Variants in MIER3 observed in about 807,000 individuals in gnomAD.
MIER3 encodes MIER family member 3, also known as mesoderm induction early response protein 3.
A neutral mutation model predicts 63.2 loss-of-function variants in MIER3; 9 were observed. That is an observed-to-expected ratio of 0.14 (90% confidence interval 0.09 to 0.25). The LOEUF (loss-of-function observed/expected upper bound fraction) is 0.25, where lower values mean the gene tolerates loss of function less well. Among genes scored for constraint, MIER3 ranks in the 10% least tolerant of loss-of-function variants. The probability of loss-of-function intolerance (pLI) is 1.00; values close to 1 mark genes in which losing one functional copy is unlikely to be tolerated. For synonymous variants in MIER3, 205 were observed against 224.9 expected (o/e 0.91, Z 0.79); for missense variants, 512 against 666.2 (o/e 0.77, Z 2.55).
chr5:56,941,128 A>G (rs1000307436), intron 3 of MIER3: 2 of 985,354 alleles, frequency 2.0e-6, no homozygotes, highest in African/African-American at 1.7e-5. Flanking sequence ...CAAGGAATTC[A>G]GTCTTAGTGG....
chr5:56,949,927 G>T (rs1750959700), intron 2 of MIER3, among the ~76,000 whole-genome samples: 1 of 152,170 alleles, frequency 6.6e-6, no homozygotes, highest in Admixed American at 6.5e-5. Flanking sequence ...TTATGGACCT[G>T]CTACAGGGAT....
intron 3 of MIER3, among the ~76,000 whole-genome samples, chr5:56,940,765 T>C (rs574396933): frequency 6.6e-6 from 1 of 152,332 alleles, no homozygotes; most frequent in South Asian, 2.1e-4. Flanking sequence ...CAATGAATTA[T>C]TTTTCTTCCA....
intron 2 of MIER3, among the ~76,000 whole-genome samples, chr5:56,950,355 G>GA (rs1750976116): frequency 6.6e-6 from 1 of 151,894 alleles, no homozygotes; most frequent in Non-Finnish European, 1.5e-5. Context: ...AGGCTCGGAG[G>GA]AAAAATAAGA....
At chr5:56,935,544 A>G (rs747436331) in intron 6 of MIER3, 44 bp from the exon 7 acceptor site, 6 of 1,518,524 alleles carry the variant, frequency 4.0e-6, no homozygotes, top group Middle Eastern at 1.8e-4. Flanking sequence ...TAAAAAAAAA[A>G]TACTGAAAAA....
At chr5:56,943,566 T>C (rs1173819379) in intron 3 of MIER3, among the ~76,000 whole-genome samples, 2 of 152,186 alleles carry the variant, frequency 1.3e-5, no homozygotes, top group East Asian at 3.9e-4. Flanking sequence ...CCGTAGAAAC[T>C]GCATTAATAA....
At chr5:56,942,706 A>T (rs189735808) in intron 3 of MIER3, among the ~76,000 whole-genome samples, 1 of 152,330 alleles carries the variant, frequency 6.6e-6, no homozygotes, top group Admixed American at 6.5e-5. Flanking sequence ...GGGAGAAGCC[A>T]GAAAATAGAA....
rs1750959177 is a variant in MIER3, at chr5:56,949,920, T to TAA, written c.34+707_34+708insTT. On this transcript the variant is annotated intron_variant, in intron 2 of 12. Transcript: ENST00000381199. ...ATTAGCACATGAGGAAAGGTCCTTATGGACCTGCTACAGGGATTCTACAAA... is the reference window on the plus strand; with the variant it reads ...ATTAGCACATGAGGAAAGGTCCTTATAAGGACCTGCTACAGGGATTCTACAAA... Among the ~76,000 whole-genome samples, 5 of 152,316 alleles carry TAA rather than the reference T, an allele frequency of 3.3e-5. No individual in the cohort carries two copies. In the East Asian group the frequency reaches 5.8e-4, roughly 18 times the overall value.
At chr5:56,926,170 G>A (rs1579835741) in intron 10 of MIER3, among the ~76,000 whole-genome samples, 1 of 151,984 alleles carries the variant, frequency 6.6e-6, no homozygotes, top group African/African-American at 2.4e-5. Context: ...AGAAAATCTA[G>A]GTGACCTTAG....
chr5:56,933,905 G>A (rs1029855986), intron 7 of MIER3, among the ~76,000 whole-genome samples: 1 of 152,000 alleles, frequency 6.6e-6, no homozygotes, highest in African/African-American at 2.4e-5. Flanking sequence ...TTTATTTAAA[G>A]GAGAAAATAG....
At position 56,928,989 on chromosome 5, in the gene MIER3, T is replaced by TCACACA. The variant is rs1161950983; in HGVS notation, c.830-129_830-128insTGTGTG. The TCACACA allele has an allele frequency of 3.4e-4, 158 of 468,872 alleles. 2 individuals carry two copies. Among genetic ancestry groups the TCACACA allele is most frequent in the African/African-American group, 9.3e-4 (23 of 24,810 alleles). 29.0% of individuals were successfully genotyped at this position (468,872 alleles called of 1,614,324 possible). The stretch of plus-strand genomic sequence containing the variant: ...CTCTCTCACACACACACACTCTCTC[T>TCACACA]CTCACACACACACACACTCTCTCTC... On this transcript the variant is annotated intron_variant, in intron 9 of 12. Transcript: ENST00000381199.
At chr5:56,942,055 CAGTTAAGTTTA>C (rs201971331) in intron 3 of MIER3, among the ~76,000 whole-genome samples, 4,650 of 152,180 alleles carry the variant, frequency 0.031, 93 homozygotes, top group East Asian at 0.062. Flanking sequence ...GCAAAGGACA[CAGTTAAGTTTA>C]AGAGGACTAT....
In MIER3 at chr5:56,921,719, A is replaced by C. The variant is rs1032981454; in HGVS notation, c.*1409T>G. On this transcript the variant is annotated 3_prime_UTR_variant, in exon 13 of 13. Coordinates refer to ENST00000381199, the MANE Select transcript of MIER3 (RefSeq NM_001297599.2). ...CTTACAAATATTAGCAATGCAGCCAAACATTTGTTTTTTGCAAAGCAACTA... is the reference window on the plus strand; with the variant it reads ...CTTACAAATATTAGCAATGCAGCCACACATTTGTTTTTTGCAAAGCAACTA... 6.5e-6 allele frequency: 1 copy of C among 152,672 alleles called. No homozygotes were observed. The highest frequency in any genetic ancestry group is 2.4e-5 in the African/African-American group (1 of 41,460). 9.5% of individuals were successfully genotyped at this position (152,672 alleles called of 1,614,324 possible).
intron 3 of MIER3, chr5:56,941,016 T>C (rs1161372030): frequency 2.0e-6 from 2 of 985,230 alleles, no homozygotes; most frequent in African/African-American, 3.5e-5. Context: ...GCACTGATGG[T>C]CCACCTTCCC....
chr5:56,934,891 T>G (rs942949894), intron 7 of MIER3, among the ~76,000 whole-genome samples: 4 of 152,190 alleles, frequency 2.6e-5, no homozygotes, highest in Non-Finnish European at 5.9e-5. Flanking sequence ...ATCCCCTCCA[T>G]ATTTTGAAAA....
chr5:56,932,614 T>A (rs925706354), intron 8 of MIER3, among the ~76,000 whole-genome samples: 1 of 152,178 alleles, frequency 6.6e-6, no homozygotes, highest in Non-Finnish European at 1.5e-5. Context: ...GGGGCAAAAC[T>A]TAGGGGTATT....
At chr5:56,949,256 G>T (rs1196485170) in intron 2 of MIER3, among the ~76,000 whole-genome samples, 2 of 152,008 alleles carry the variant, frequency 1.3e-5, no homozygotes, top group Non-Finnish European at 2.9e-5. Context: ...CACCTGGGAG[G>T]CTGAGGCAGG....
At chr5:56,937,989 A>T (rs1433090667) in intron 4 of MIER3, among the ~76,000 whole-genome samples, 2 of 152,098 alleles carry the variant, frequency 1.3e-5, no homozygotes, top group African/African-American at 4.8e-5. Flanking sequence ...TAGTGAATTT[A>T]CAACAAAAAC....
Position 56,946,909 on chromosome 5 carries a change from T to C in MIER3, c.180+17A>G, listed in dbSNP as rs1750843892. Reference sequence around the variant, plus strand: ...CAAAATCTTTGTTAAGTTTGTATATTAAAGTAAATCTTATACCTTTTCTAA... The same window carrying C: ...CAAAATCTTTGTTAAGTTTGTATATCAAAGTAAATCTTATACCTTTTCTAA... On this transcript the variant is annotated intron_variant, in intron 3 of 12. Coordinates refer to ENST00000381199, the MANE Select transcript of MIER3 (RefSeq NM_001297599.2). 6.7e-7 allele frequency: 1 copy of C among 1,488,476 alleles called. No homozygotes were observed. The highest frequency in any genetic ancestry group is 1.3e-5 in the South Asian group (1 of 75,718). The allele number at this position is 1,488,476 out of a possible 1,614,324, so 92.2% of individuals were successfully genotyped here.
At chr5:56,931,752 G>A (rs1030984001) in intron 8 of MIER3, among the ~76,000 whole-genome samples, 5 of 151,976 alleles carry the variant, frequency 3.3e-5, no homozygotes, top group African/African-American at 1.2e-4. Context: ...AATGCATTAA[G>A]ACATAAAGCA....
Sources: allele counts gnomAD v4.1 joint callset (sites outside exome capture counted in the v4.1 genomes callset), GRCh38; gene constraint gnomAD v4.1.1; transcripts MANE v1.5; gene names NCBI Gene and HGNC (gene_info 2026-07-23, HGNC 2026-07-21).